The following RTTN variants were observed in gnomAD, a reference collection of about 807,000 sequenced individuals.
The protein encoded by RTTN is rotatin.
RTTN carries 182 observed loss-of-function variants against 269.2 expected under a neutral mutation model. The ratio of observed to expected loss-of-function variants is 0.68; its 90% CI spans 0.60 to 0.76. The LOEUF is 0.76. RTTN is among the 30% of genes least tolerant of loss of function. The pLI is 0.00. For synonymous variants in RTTN, 1,006 were observed against 963.5 expected (o/e 1.04, Z -0.82); for missense variants, 2,545 against 2,608.6 (o/e 0.98, Z 0.53).
chr18:70,069,755 G>C (rs1482571465), intron 34 of RTTN, among the ~76,000 whole-genome samples: 1 of 152,002 alleles, frequency 6.6e-6, no homozygotes. Flanking sequence ...AAGCAGTACT[G>C]GTGCCAAAAA....
intron 10 of RTTN, among the ~76,000 whole-genome samples, chr18:70,184,698 A>C (rs2061493416): frequency 7.1e-5 from 4 of 56,168 alleles, no homozygotes; most frequent in Non-Finnish European, 8.2e-5. Context: ...TCAAAACCAC[A>C]GCAGGTTTTT....
At chr18:70,103,637 T>C (rs2059237744) in intron 28 of RTTN, among the ~76,000 whole-genome samples, 2 of 152,066 alleles carry the variant, frequency 1.3e-5, no homozygotes, top group South Asian at 4.2e-4. Context: ...CACAGGGACC[T>C]CTGCCTAGGA....
At chr18:70,083,858 G>A (rs1241283757) in intron 32 of RTTN, among the ~76,000 whole-genome samples, 3 of 151,546 alleles carry the variant, frequency 2.0e-5, no homozygotes, top group African/African-American at 4.8e-5. Context: ...CGTATCACTT[G>A]AGCCCAGGAA....
intron 37 of RTTN, among the ~76,000 whole-genome samples, chr18:70,055,723 C>G (rs952768689): frequency 1.3e-5 from 2 of 152,082 alleles, no homozygotes; most frequent in Non-Finnish European, 2.9e-5. Flanking sequence ...ATAGAGAAAA[C>G]GCTGAATTGC....
intron 37 of RTTN, among the ~76,000 whole-genome samples, chr18:70,054,690 G>A (rs1024855577): frequency 1.3e-5 from 2 of 152,018 alleles, no homozygotes; most frequent in African/African-American, 4.8e-5. Flanking sequence ...AAAATTAGCC[G>A]GGCCTGCAGT....
At chr18:70,111,199 T>A (rs1288819773) in intron 27 of RTTN, among the ~76,000 whole-genome samples, 1 of 152,204 alleles carries the variant, frequency 6.6e-6, no homozygotes, top group African/African-American at 2.4e-5. Flanking sequence ...AGCACACCGA[T>A]CAAGCTCTGC....
At chr18:70,080,919 T>G (rs1275162091) in intron 32 of RTTN, among the ~76,000 whole-genome samples, 3 of 141,054 alleles carry the variant, frequency 2.1e-5, no homozygotes, top group Non-Finnish European at 4.6e-5. Flanking sequence ...TAAACTGGTG[T>G]GTGTGGTATC....
rs1300156088 is a variant in RTTN at position 70,121,537 on chromosome 18, A to C, written c.3528+19T>G. On this transcript the variant is annotated intron_variant, in intron 26 of 48. Transcript: ENST00000640769. ...GTTATTTCCCAAACTTAAAATCCAA[A>C]TTCCTTAACACCACTTACATGTCTA... is the stretch of plus-strand genomic sequence containing the variant. 6.5e-7 allele frequency: 1 copy of C among 1,531,314 alleles called. No homozygotes were observed. 94.9% of individuals were successfully genotyped at this position (1,531,314 alleles called of 1,614,324 possible).
At chr18:70,198,705 C>T (rs1225981954) in intron 5 of RTTN, among the ~76,000 whole-genome samples, 1 of 152,168 alleles carries the variant, frequency 6.6e-6, no homozygotes, top group Non-Finnish European at 1.5e-5. Context: ...TGGTACCCAA[C>T]CTTATCCACA....
At chr18:70,128,735 A>C (rs978571955) in intron 23 of RTTN, 189 bp from the exon 24 acceptor site, 7 of 523,934 alleles carry the variant, frequency 1.3e-5, no homozygotes, top group Non-Finnish European at 2.4e-5. Context: ...ATCTCCTCTA[A>C]ACTCCCCAGA....
At chr18:70,021,378 T>C (rs895380150) in intron 44 of RTTN, among the ~76,000 whole-genome samples, 1 of 152,078 alleles carries the variant, frequency 6.6e-6, no homozygotes, top group Non-Finnish European at 1.5e-5. Context: ...AGTAACTGAA[T>C]GAGACTTATT....
intron 32 of RTTN, among the ~76,000 whole-genome samples, chr18:70,082,464 T>A (rs566227505): frequency 6.6e-6 from 1 of 152,166 alleles, no homozygotes; most frequent in Non-Finnish European, 1.5e-5. Flanking sequence ...AGATTTCTTG[T>A]TATAATCAAC....
intron 10 of RTTN, among the ~76,000 whole-genome samples, chr18:70,177,466 T>C (rs2061330458): frequency 6.6e-6 from 1 of 152,200 alleles, no homozygotes; most frequent in Non-Finnish European, 1.5e-5. Flanking sequence ...AAATCATATC[T>C]TTTAAACTAA....
At chr18:70,192,752 T>C (rs1467950018) in intron 8 of RTTN, among the ~76,000 whole-genome samples, 3 of 152,066 alleles carry the variant, frequency 2.0e-5, no homozygotes, top group Non-Finnish European at 4.4e-5. Flanking sequence ...GAGTCCTTAT[T>C]TTATAAAATT....
In RTTN at chr18:70,017,424, G is replaced by C; in HGVS notation, c.6404C>G (p.Pro2135Arg). Reference sequence around the variant, plus strand: ...AAACTTACCATTAGCCAGGATCTTGGGTTTATTTGCAGGACTGAAGCAAAC... The same window carrying C: ...AAACTTACCATTAGCCAGGATCTTGCGTTTATTTGCAGGACTGAAGCAAAC... ...HNVCFSPANK[P>R]KILANEKVIT... Residue 2135 changes from proline to arginine, a missense_variant, in exon 46 of 49, where the codon CCC (proline) becomes CGC (arginine). Transcript: ENST00000640769. The C allele has an allele frequency of 6.2e-7, 1 of 1,613,844 alleles. No homozygotes were observed. The highest frequency in any genetic ancestry group is 1.1e-5 in the South Asian group (1 of 91,050).
In RTTN at chr18:70,075,381, T is replaced by A. The variant is rs2058400648; in HGVS notation, c.4535A>T (p.Asp1512Val). 1 of 1,589,638 alleles carries A rather than the reference T, an allele frequency of 6.3e-7. No individual in the cohort carries two copies. The highest frequency in any genetic ancestry group is 8.5e-7 in the Non-Finnish European group (1 of 1,171,068). The part of the protein sequence containing the change: ...CMFDLNFSAF[D>V]RNSESNDLNG... ...TAAATCATTGCTTTCTGAATTTCTA[T>A]CAAAAGCAGAAAAATTCAAATCAAA... is the stretch of plus-strand genomic sequence containing the variant. The change falls in exon 33 of 49, where the codon GAT (aspartate) becomes GTT (valine). Residue 1512 changes from aspartate to valine, a missense_variant. Transcript: ENST00000640769.
At chr18:70,055,647 C>G (rs551157921) in intron 37 of RTTN, among the ~76,000 whole-genome samples, 1 of 152,212 alleles carries the variant, frequency 6.6e-6, no homozygotes, top group Non-Finnish European at 1.5e-5. Flanking sequence ...GCAAGTCTGA[C>G]CTCTGGATGT....
At chr18:70,007,131 T>TCGCCTCACCCAGGAATCA (rs1232485752) in intron 46 of RTTN, 1 of 152,200 alleles carries the variant, frequency 6.6e-6, no homozygotes, top group East Asian at 1.9e-4. Flanking sequence ...GGGTGGGGTG[T>TCGCCTCACCCAGGAATCA]CGCCTCACCC....
At chr18:70,163,724 C>A (rs536555685) in intron 14 of RTTN, among the ~76,000 whole-genome samples, 24 of 152,270 alleles carry the variant, frequency 1.6e-4, no homozygotes, top group African/African-American at 5.8e-4. Context: ...TCCAGTTGAG[C>A]ATCCCTAATC....
Sources: gnomAD v4.1 joint callset for allele counts (sites outside exome capture counted in the v4.1 genomes callset) on GRCh38, gnomAD v4.1.1 for gene constraint, MANE v1.5 for transcripts, NCBI Gene and HGNC (gene_info 2026-07-23, HGNC 2026-07-21) for gene names.